The following PPP6C variants were observed in gnomAD, a reference collection of about 807,000 sequenced individuals.
The protein encoded by PPP6C is protein phosphatase 6 catalytic subunit, also known as serine/threonine-protein phosphatase 6 catalytic subunit.
Under a neutral mutation model 39.8 loss-of-function variants are expected in PPP6C, and 11 were observed. The ratio of observed to expected loss-of-function variants is 0.28; its 90% CI spans 0.17 to 0.46. The LOEUF (loss-of-function observed/expected upper bound fraction) is 0.46. Among genes scored for constraint, PPP6C ranks in the 20% least tolerant of loss-of-function variants. The pLI is 1.00. For missense variants in PPP6C, 211 were observed against 373.9 expected, an observed-to-expected ratio of 0.56 and a Z score of 3.59; for synonymous variants, 129 against 130.3, an observed-to-expected ratio of 0.99 and a Z score of 0.07.
At chr9:125,177,373 AAAAC>A (rs142723226) in intron 1 of PPP6C, among the ~76,000 whole-genome samples, 63,652 of 150,514 alleles carry the variant, frequency 0.42, 13,723 homozygotes, top group East Asian at 0.53. Context: ...ACTCTGTCTC[AAAAC>A]AAACAAACAA....
chr9:125,169,461 A>G (rs923104569), intron 2 of PPP6C, among the ~76,000 whole-genome samples: 6 of 152,256 alleles, frequency 3.9e-5, no homozygotes. Flanking sequence ...CATCTTAAAA[A>G]GTCTACAACT....
intron 4 of PPP6C, among the ~76,000 whole-genome samples, chr9:125,155,134 G>A (rs562435048): frequency 2.0e-5 from 3 of 152,212 alleles, no homozygotes; most frequent in Admixed American, 6.5e-5. Context: ...TTGAACTCCT[G>A]AGCTCAAGCA....
chr9:125,178,784 C>T (rs985005062), intron 1 of PPP6C, among the ~76,000 whole-genome samples: 1 of 152,214 alleles, frequency 6.6e-6, no homozygotes, highest in Non-Finnish European at 1.5e-5. Flanking sequence ...AGCCCTCCTG[C>T]AGCCAGCTTC....
chr9:125,149,704 G>A lies in PPP6C; in HGVS notation c.887C>T (p.Pro296Leu). The A allele has an allele frequency of 6.2e-7, 1 of 1,614,120 alleles. No homozygotes were observed. The highest frequency in any genetic ancestry group is 8.5e-7 in the Non-Finnish European group (1 of 1,180,000). ...RAVPDSERVI[P>L]PRTTTPYFL Reference sequence around the variant, plus strand: ...GAAATATGGCGTTGTCGTTCTGGGAGGAATAACACGTTCTGAATCTGGAAC... The same window carrying A: ...GAAATATGGCGTTGTCGTTCTGGGAAGAATAACACGTTCTGAATCTGGAAC... Residue 296 changes from proline to leucine, a missense_variant, in exon 7 of 7, where the codon CCT becomes CTT. By Grantham distance (98) the Pro-to-Leu change is moderately conservative. This residue lies in a region of PPP6C where 168 missense variants were observed against 342.6 expected (regional missense o/e 0.49). Coordinates refer to ENST00000373547, the MANE Select transcript of PPP6C (RefSeq NM_002721.5).
chr9:125,173,325 G>A (rs920161083), intron 1 of PPP6C, among the ~76,000 whole-genome samples: 1 of 144,360 alleles, frequency 6.9e-6, no homozygotes. Context: ...AGAATCACTT[G>A]AATCTGGGAG....
At chr9:125,166,535 C>CT (rs1169190980) in intron 2 of PPP6C, among the ~76,000 whole-genome samples, 49,209 of 134,410 alleles carry the variant, frequency 0.37, 9,785 homozygotes, top group East Asian at 0.55. Flanking sequence ...TTTTCTTTTT[C>CT]TTTTTTTTTT....
chr9:125,165,795 C>CTTTTTTTTTTTTTTTTTTTTTTTTTTTT (rs781221037), intron 2 of PPP6C, among the ~76,000 whole-genome samples: 1 of 113,632 alleles, frequency 8.8e-6, no homozygotes. Context: ...TAATCTTTTG[C>CTTTTTTTTTTTTTTTTTTTTTTTTTTTT]TTTTTTTTTT....
At chr9:125,166,339 C>A (rs983031677) in intron 2 of PPP6C, among the ~76,000 whole-genome samples, 3 of 152,184 alleles carry the variant, frequency 2.0e-5, no homozygotes, top group East Asian at 3.9e-4. Context: ...CAAATTTTGT[C>A]ATCGGCAACA....
chr9:125,182,671 C>G (rs569526770), intron 1 of PPP6C, among the ~76,000 whole-genome samples: 6 of 150,916 alleles, frequency 4.0e-5, no homozygotes, highest in African/African-American at 1.5e-4. Context: ...GTTTCTCAAC[C>G]ATGGCACTAC....
intron 1 of PPP6C, 123 bp downstream of exon 1, chr9:125,189,521 T>C (rs947854514): frequency 2.4e-5 from 36 of 1,499,406 alleles, no homozygotes; most frequent in Non-Finnish European, 3.1e-5. Flanking sequence ...CCGGGTCGAC[T>C]GGCAATGGGG....
chr9:125,177,459 G>A (rs1302725107), intron 1 of PPP6C, among the ~76,000 whole-genome samples: 9 of 152,092 alleles, frequency 5.9e-5, no homozygotes, highest in Non-Finnish European at 1.3e-4. Context: ...CACTTAGGGA[G>A]GCAAAGACAG....
chr9:125,189,553 A>T (rs775051152), intron 1 of PPP6C, 91 bp downstream of exon 1: 2 of 1,587,684 alleles, frequency 1.3e-6, no homozygotes, highest in Non-Finnish European at 1.7e-6. Flanking sequence ...CCGCGACTGG[A>T]CTGGATACCC....
At chr9:125,157,291 T>G (rs1215832726) in intron 4 of PPP6C, among the ~76,000 whole-genome samples, 1 of 151,998 alleles carries the variant, frequency 6.6e-6, no homozygotes, top group Non-Finnish European at 1.5e-5. Context: ...TATTTTGCTG[T>G]TTATGACTAA....
chr9:125,170,039 T>C (rs976547329), intron 2 of PPP6C, among the ~76,000 whole-genome samples: 1 of 152,194 alleles, frequency 6.6e-6, no homozygotes, highest in African/African-American at 2.4e-5. Flanking sequence ...TAAGTCCTGT[T>C]GGCATCCTTT....
Position 125,150,712 on chromosome 9 carries a change from G to T in PPP6C, c.670-791C>A, listed in dbSNP as rs529711802. 6.0e-6 allele frequency: 5 copies of T among 834,792 alleles called. No individual in the cohort carries two copies. In the African/African-American group the frequency reaches 8.6e-5, roughly 14 times the overall value. The allele number at this position is 834,792 out of a possible 1,614,324, so 51.7% of individuals were successfully genotyped here. On this transcript the variant is annotated intron_variant, in intron 6 of 6. Coordinates refer to ENST00000373547, the MANE Select transcript of PPP6C (RefSeq NM_002721.5). ...GGCTTATCTCAGAAAACTGCCGATC[G>T]CCTGGGCCTGGAGCTCGGCAAGGCA...
At position 125,189,778 on chromosome 9, in the gene PPP6C, G is replaced by T. The variant is rs2131350631; in HGVS notation, c.-60C>A. 6.5e-7 allele frequency: 1 copy of T among 1,533,898 alleles called. No individual in the cohort carries two copies. The highest frequency in any genetic ancestry group is 1.4e-5 in the African/African-American group (1 of 69,880). On this transcript the variant is annotated 5_prime_UTR_variant, in exon 1 of 7. In the 5' UTR this introduces an upstream ATG that the reference lacks. Coordinates refer to ENST00000373547, the MANE Select transcript of PPP6C (RefSeq NM_002721.5). ...GGCGGCTGTAGCAGCGGCGGCGGCA[G>T]CGGCGGAGGCCGAAGCCGGAACTTT... is the stretch of plus-strand genomic sequence containing the variant.
intron 2 of PPP6C, 38 bp downstream of exon 2, chr9:125,171,047 A>G (rs765995106): frequency 1.5e-6 from 2 of 1,371,610 alleles, no homozygotes; most frequent in Admixed American, 2.3e-5. Context: ...TGGATCATGG[A>G]CAGTACAAAA....
chr9:125,150,994 G>A lies in PPP6C; in HGVS notation c.670-1073C>T. On this transcript the variant is annotated intron_variant, in intron 6 of 6. Transcript: ENST00000373547. ...CAAGCTTGTTGCAAACATGCTATCT[G>A]TGGCAGGCGCAGATCATATTATCAC... 1.5e-6 allele frequency: 2 copies of A among 1,359,292 alleles called. 1 individual carries two copies. The highest frequency in any genetic ancestry group is 2.3e-5 in the South Asian group (2 of 85,796). The allele number at this position is 1,359,292 out of a possible 1,614,324, so 84.2% of individuals were successfully genotyped here.
chr9:125,163,848 C>CTTT (rs1412720063), intron 2 of PPP6C, among the ~76,000 whole-genome samples: 14 of 135,926 alleles, frequency 1.0e-4, no homozygotes, highest in African/African-American at 3.5e-4. Context: ...TTGGGCAATT[C>CTTT]TTTTTTTTTT....
Sources: allele counts gnomAD v4.1 joint callset (sites outside exome capture counted in the v4.1 genomes callset), GRCh38; gene constraint gnomAD v4.1.1; regional missense constraint gnomAD v4.1.1; transcripts MANE v1.5; gene names NCBI Gene and HGNC (gene_info 2026-07-23, HGNC 2026-07-21).